The following LRRC37A2 variants were observed in gnomAD, a reference collection of about 807,000 sequenced individuals.
LRRC37A2 encodes the protein leucine-rich repeat-containing protein 37A2.
In LRRC37A2, 9 loss-of-function variants were observed where a neutral mutation model predicts 68.8. The observed-to-expected ratio is 0.13, with a 90% CI of 0.08 to 0.23. The LOEUF (loss-of-function observed/expected upper bound fraction) is 0.23, where lower values mean the gene tolerates loss of function less well. LRRC37A2 is among the 10% of genes least tolerant of loss of function. The pLI is 1.00. For missense variants in LRRC37A2, 168 were observed against 950.4 expected (o/e 0.18, Z 10.82); for synonymous variants, 63 against 367.6 (o/e 0.17, Z 9.48).
the LRRC37A2 span, among the ~76,000 whole-genome samples, chr17:46,490,209 G>A: frequency 2.6e-5 from 4 of 151,206 alleles, no homozygotes; most frequent in East Asian, 5.8e-4. Flanking sequence ...CAGCTGCTCA[G>A]CTCGGCCCTG....
chr17:47,037,459 T>C, the LRRC37A2 span, among the ~76,000 whole-genome samples: 1 of 152,150 alleles, frequency 6.6e-6, no homozygotes, highest in Non-Finnish European at 1.5e-5. Context: ...AAACCATAGA[T>C]CAATTTGGAG....
chr17:47,033,737 G>A, the LRRC37A2 span, among the ~76,000 whole-genome samples: 1 of 152,136 alleles, frequency 6.6e-6, no homozygotes, highest in South Asian at 2.1e-4. Context: ...AAAAAGAACA[G>A]GCAAGAAATG....
At chr17:47,028,405 A>G in the LRRC37A2 span, 1 of 1,174,986 alleles carries the variant, frequency 8.5e-7, no homozygotes, top group Non-Finnish European at 1.3e-6. Context: ...CTATTTATCT[A>G]CAAAAACTCA....
the LRRC37A2 span, among the ~76,000 whole-genome samples, chr17:46,585,160 TA>T: frequency 7.1e-6 from 1 of 141,100 alleles, no homozygotes; most frequent in South Asian, 2.4e-4. Context: ...ACATTAAAAA[TA>T]AAAAAATTAG....
chr17:46,995,488 A>G, the LRRC37A2 span, among the ~76,000 whole-genome samples: 1 of 149,360 alleles, frequency 6.7e-6, no homozygotes. Flanking sequence ...CTGGCCAAAA[A>G]AGTGTAAATA....
chr17:46,990,941 G>C, the LRRC37A2 span, among the ~76,000 whole-genome samples: 1 of 152,182 alleles, frequency 6.6e-6, no homozygotes, highest in Non-Finnish European at 1.5e-5. Context: ...AAAGTATTGG[G>C]ATTACAGGTG....
the LRRC37A2 span, among the ~76,000 whole-genome samples, chr17:46,839,860 C>G: frequency 6.6e-6 from 1 of 152,182 alleles, no homozygotes; most frequent in Admixed American, 6.5e-5. Context: ...ATGAACTCAT[C>G]CTTTTTCATG....
chr17:47,038,589 A>T, the LRRC37A2 span, among the ~76,000 whole-genome samples: 1 of 144,718 alleles, frequency 6.9e-6, no homozygotes, highest in Admixed American at 7.0e-5. Flanking sequence ...CTAAAGCTCC[A>T]CTCTCACCCC....
the LRRC37A2 span, among the ~76,000 whole-genome samples, chr17:46,794,752 CTTTTTTTTT>C: frequency 1.5e-5 from 2 of 129,286 alleles, no homozygotes; most frequent in South Asian, 2.7e-4. Context: ...CTTTCTTTTT[CTTTTTTTTT>C]TTTTTTTTTA....
intron 8 of LRRC37A2, among the ~76,000 whole-genome samples, chr17:46,543,523 T>C (rs1272057828): frequency 6.6e-6 from 1 of 150,952 alleles, no homozygotes; most frequent in Non-Finnish European, 1.5e-5. Flanking sequence ...AATGATAATA[T>C]GAAGTTCCAT....
At chr17:46,971,549 C>T in the LRRC37A2 span, among the ~76,000 whole-genome samples, 4 of 152,242 alleles carry the variant, frequency 2.6e-5, no homozygotes, top group South Asian at 8.3e-4. Flanking sequence ...CCTGGCAAAG[C>T]TGCATGGCTC....
chr17:46,736,887 C>T, the LRRC37A2 span, among the ~76,000 whole-genome samples: 1 of 152,216 alleles, frequency 6.6e-6, no homozygotes, highest in African/African-American at 2.4e-5. Flanking sequence ...GGGAAACCCA[C>T]CTGGCACTTG....
the LRRC37A2 span, chr17:46,978,739 T>C: frequency 3.1e-6 from 5 of 1,612,368 alleles, no homozygotes; most frequent in Non-Finnish European, 4.2e-6. Context: ...GATGAGCAGG[T>C]TGCAGCCCAG....
chr17:46,866,559 C>T, the LRRC37A2 span, among the ~76,000 whole-genome samples: 1 of 152,036 alleles, frequency 6.6e-6, no homozygotes, highest in Non-Finnish European at 1.5e-5. Context: ...AGGGCGCACT[C>T]ACCATGCAAA....
chr17:46,712,851 A>G, the LRRC37A2 span, among the ~76,000 whole-genome samples: 1 of 152,216 alleles, frequency 6.6e-6, no homozygotes, highest in Non-Finnish European at 1.5e-5. Context: ...GTGTTACAGA[A>G]GCCAAGAAAA....
chr17:46,901,404 C>T, the LRRC37A2 span, among the ~76,000 whole-genome samples: 5 of 152,236 alleles, frequency 3.3e-5, no homozygotes, highest in South Asian at 4.1e-4. Flanking sequence ...TCAGGTGATC[C>T]GCCTGCCTCA....
chr17:47,014,010 T>G, the LRRC37A2 span, among the ~76,000 whole-genome samples: 1 of 151,976 alleles, frequency 6.6e-6, no homozygotes. Context: ...GGAGAATCGC[T>G]TGAACCCGGG....
At chr17:46,874,999 C>A in the LRRC37A2 span, 1 of 1,580,998 alleles carries the variant, frequency 6.3e-7, no homozygotes, top group Non-Finnish European at 8.7e-7. Flanking sequence ...GCGCTGCCAC[C>A]ACCGCCTCTG....
the LRRC37A2 span, among the ~76,000 whole-genome samples, chr17:46,960,124 G>T: frequency 6.6e-6 from 1 of 152,050 alleles, no homozygotes; most frequent in Non-Finnish European, 1.5e-5. Context: ...CCAAAAGACT[G>T]GTATCCAAAA....
Sources: gnomAD v4.1 joint callset for allele counts (sites outside exome capture counted in the v4.1 genomes callset) on GRCh38, gnomAD v4.1.1 for gene constraint, MANE v1.5 for transcripts, NCBI Gene and HGNC (gene_info 2026-07-23, HGNC 2026-07-21) for gene names.